The following ARHGAP29 variants were observed in gnomAD, a reference collection of about 807,000 sequenced individuals.
The protein encoded by ARHGAP29 is Rho GTPase activating protein 29.
Under a neutral mutation model 122.6 loss-of-function variants are expected in ARHGAP29, and 43 were observed. That is an observed-to-expected ratio of 0.35 (90% CI 0.27 to 0.45). The LOEUF (loss-of-function observed/expected upper bound fraction) is 0.45, where lower values mean the gene tolerates loss of function less well. Among genes scored for constraint, ARHGAP29 ranks in the 20% least tolerant of loss-of-function variants. The pLI, the probability that ARHGAP29 is intolerant of heterozygous loss-of-function variation, is 1.00. For missense variants in ARHGAP29, 1,303 were observed against 1,477.2 expected (o/e 0.88, Z 1.93); for synonymous variants, 506 against 497.1 (o/e 1.02, Z -0.24).
chr1:94,217,181 C>A (rs958138395), intron 3 of ARHGAP29, among the ~76,000 whole-genome samples: 6 of 152,070 alleles, frequency 3.9e-5, no homozygotes, highest in Non-Finnish European at 7.4e-5. Flanking sequence ...TACTTAAGGT[C>A]TCCAAAGTAA....
chr1:94,271,968 G>T (rs912788010), intron 1 of ARHGAP29, among the ~76,000 whole-genome samples: 7 of 152,344 alleles, frequency 4.6e-5, no homozygotes, highest in Admixed American at 2.0e-4. Context: ...ATCCTGATCA[G>T]CAAGAGAAAT....
At chr1:94,246,344 A>G (rs950670488) in intron 1 of ARHGAP29, among the ~76,000 whole-genome samples, 5 of 152,210 alleles carry the variant, frequency 3.3e-5, no homozygotes, top group South Asian at 2.1e-4. Context: ...ATTCACTTTC[A>G]TATCTAATTT....
chr1:94,289,666 G>A, the ARHGAP29 span, among the ~76,000 whole-genome samples: 293 of 152,146 alleles, frequency 1.9e-3, 3 homozygotes, highest in African/African-American at 6.2e-3. Flanking sequence ...GATACGTTCC[G>A]TCAATAACTA....
Position 94,229,688 on chromosome 1 carries a change from T to C in ARHGAP29, c.205+1719A>G, listed in dbSNP as rs1298499850. Reference sequence around the variant, plus strand: ...TTAAATTTCAGTGTATGTATTTCCATACATATCCCTTTACCTCAGGGGGTA... The same window carrying C: ...TTAAATTTCAGTGTATGTATTTCCACACATATCCCTTTACCTCAGGGGGTA... On this transcript the variant is annotated intron_variant, in intron 2 of 22. Transcript: ENST00000260526. 4.6e-5 allele frequency among the ~76,000 whole-genome samples: 7 copies of C among 151,190 alleles called. 1 individual carries two copies. Among genetic ancestry groups the C allele is most frequent in the Admixed American group, 2.6e-4 (4 of 15,216 alleles).
chr1:94,300,792 C>G, the ARHGAP29 span, among the ~76,000 whole-genome samples: 1 of 152,058 alleles, frequency 6.6e-6, no homozygotes, highest in Non-Finnish European at 1.5e-5. Flanking sequence ...GCATATAGGT[C>G]CTCTATACAC....
At chr1:94,198,741 A>T (rs1266616913) in intron 12 of ARHGAP29, among the ~76,000 whole-genome samples, 1 of 152,178 alleles carries the variant, frequency 6.6e-6, no homozygotes, top group Non-Finnish European at 1.5e-5. Flanking sequence ...TATTGCTAAG[A>T]TGCTACATAT....
chr1:94,259,131 G>T (rs1654466937), intron 1 of ARHGAP29, among the ~76,000 whole-genome samples: 1 of 152,276 alleles, frequency 6.6e-6, no homozygotes, highest in East Asian at 1.9e-4. Context: ...CAGGCAGTGG[G>T]GTTTAGGGCC....
chr1:94,197,215 G>T (rs183462532), intron 12 of ARHGAP29, among the ~76,000 whole-genome samples: 3 of 151,844 alleles, frequency 2.0e-5, no homozygotes, highest in African/African-American at 7.3e-5. Context: ...ACATTAAAAG[G>T]TAAGAGAATA....
chr1:94,228,775 A>G (rs967575079), intron 2 of ARHGAP29, among the ~76,000 whole-genome samples: 1 of 151,810 alleles, frequency 6.6e-6, no homozygotes, highest in African/African-American at 2.4e-5. Flanking sequence ...AACCAATCAC[A>G]AAGCTGTTTA....
chr1:94,275,805 T>C (rs1655164835), upstream of ARHGAP29, among the ~76,000 whole-genome samples: 1 of 152,184 alleles, frequency 6.6e-6, no homozygotes, highest in South Asian at 2.1e-4. Flanking sequence ...GTAGAAAGTT[T>C]CCTATTTCTT....
At chr1:94,269,987 T>C (rs555056609) in intron 1 of ARHGAP29, among the ~76,000 whole-genome samples, 2 of 152,284 alleles carry the variant, frequency 1.3e-5, no homozygotes, top group East Asian at 3.9e-4. Flanking sequence ...ATCAATGGGA[T>C]GGACAACAAT....
At chr1:94,224,882 A>C (rs1344379108) in intron 2 of ARHGAP29, among the ~76,000 whole-genome samples, 1 of 152,228 alleles carries the variant, frequency 6.6e-6, no homozygotes, top group East Asian at 1.9e-4. Context: ...CATACTAAAA[A>C]AATAGCATCA....
At chr1:94,288,168 G>A in the ARHGAP29 span, among the ~76,000 whole-genome samples, 2 of 152,184 alleles carry the variant, frequency 1.3e-5, no homozygotes, top group African/African-American at 4.8e-5. Flanking sequence ...GTTGTTTCCT[G>A]ACGTTTTAAT....
chr1:94,170,307 CA>C lies in ARHGAP29; in HGVS notation c.*3561del, dbSNP rs1648649794. On this transcript the variant is annotated 3_prime_UTR_variant, in exon 23 of 23. Coordinates refer to ENST00000260526, the MANE Select transcript of ARHGAP29 (RefSeq NM_004815.4). ...AGAGCATCATTTCTGTAGTATTGGA[CA>C]AAAATGTCTATCCTAAACCTTATGG... is the stretch of plus-strand genomic sequence containing the variant. Among the ~76,000 whole-genome samples, 1 of 152,116 alleles carries C rather than the reference CA, an allele frequency of 6.6e-6. No individual in the cohort carries two copies. The highest frequency in any genetic ancestry group is 1.5e-5 in the Non-Finnish European group (1 of 68,032).
Position 94,231,459 on chromosome 1 carries a change from A to T in ARHGAP29, c.153T>A (p.Asp51Glu), listed in dbSNP as rs1436891821. The change falls in exon 2 of 23, where the codon GAT becomes GAA. Residue 51 changes from aspartate (D) to glutamate (E), a missense_variant. Coordinates refer to ENST00000260526, the MANE Select transcript of ARHGAP29 (RefSeq NM_004815.4). ...DPDYIKELVN[D>E]IRKFSHMLLY... ...GTAACATGTGGGAGAACTTCCTGAT[A>T]TCATTCACCAACTCCTTGATGTAAT... The T allele has an allele frequency of 6.2e-7, 1 of 1,613,792 alleles. No homozygotes were observed. Among genetic ancestry groups the T allele is most frequent in the South Asian group, 1.1e-5 (1 of 91,058 alleles).
intron 3 of ARHGAP29, among the ~76,000 whole-genome samples, chr1:94,210,309 G>C (rs1026039910): frequency 2.0e-5 from 3 of 152,128 alleles, no homozygotes; most frequent in Non-Finnish European, 2.9e-5. Context: ...CTGCACATTA[G>C]AATTACCTGG....
In ARHGAP29 at chr1:94,172,999, C is replaced by T. The variant is rs1349031688; in HGVS notation, c.*870G>A. Reference sequence around the variant, plus strand: ...TTCATACAAAAGGAATGGTTTTAACCCAGACAAATCAAGAGGAAATGCACT... The same window carrying T: ...TTCATACAAAAGGAATGGTTTTAACTCAGACAAATCAAGAGGAAATGCACT... On this transcript the variant is annotated 3_prime_UTR_variant, in exon 23 of 23. Coordinates refer to ENST00000260526, the MANE Select transcript of ARHGAP29 (RefSeq NM_004815.4). 6.6e-6 allele frequency: 1 copy of T among 152,300 alleles called. No individual in the cohort carries two copies. Among genetic ancestry groups the T allele is most frequent in the Non-Finnish European group, 1.5e-5 (1 of 67,962 alleles). 9.4% of individuals were successfully genotyped at this position (152,300 alleles called of 1,614,324 possible).
At chr1:94,188,969 T>C (rs1649971819) in intron 14 of ARHGAP29, 28 bp from the exon 15 acceptor site, 1 of 1,596,412 alleles carries the variant, frequency 6.3e-7, no homozygotes, top group African/African-American at 1.3e-5. Flanking sequence ...AAGTCAAAAC[T>C]TGGCTACAGG....
chr1:94,217,186 A>C (rs1172681960), intron 3 of ARHGAP29, among the ~76,000 whole-genome samples: 1 of 152,130 alleles, frequency 6.6e-6, no homozygotes, highest in African/African-American at 2.4e-5. Context: ...AAGGTCTCCA[A>C]AGTAAGTCAT....
Sources: gnomAD v4.1 joint callset for allele counts (sites outside exome capture counted in the v4.1 genomes callset) on GRCh38, gnomAD v4.1.1 for gene constraint, MANE v1.5 for transcripts, NCBI Gene and HGNC (gene_info 2026-07-23, HGNC 2026-07-21) for gene names.